The following AFAP1 variants were observed in gnomAD, a reference collection of about 807,000 sequenced individuals.
The protein encoded by AFAP1 is actin filament associated protein 1.
A neutral mutation model predicts 93.9 loss-of-function variants in AFAP1; 75 were observed. The ratio of observed to expected loss-of-function variants is 0.80; its 90% CI spans 0.66 to 0.97. The LOEUF (loss-of-function observed/expected upper bound fraction) is 0.97, where lower values mean the gene tolerates loss of function less well. Among genes scored for constraint, AFAP1 ranks in the 50% least tolerant of loss-of-function variants. The probability of loss-of-function intolerance (pLI) is 0.00; values close to 1 mark genes in which losing one functional copy is unlikely to be tolerated. For missense variants in AFAP1, 1,201 were observed against 1,050.8 expected, an observed-to-expected ratio of 1.14 and a Z score of -1.98; for synonymous variants, 517 against 430.7, an observed-to-expected ratio of 1.20 and a Z score of -2.48.
intron 1 of AFAP1, among the ~76,000 whole-genome samples, chr4:7,896,456 T>C (rs916238563): frequency 3.3e-5 from 5 of 152,002 alleles, no homozygotes; most frequent in Admixed American, 2.6e-4. Flanking sequence ...CCCAACCCCA[T>C]GGTCTGTAAA....
In AFAP1 at chr4:7,859,675, G is replaced by A. The variant is rs181015726; in HGVS notation, c.226-4101C>T. 1.0e-3 allele frequency among the ~76,000 whole-genome samples: 158 copies of A among 152,132 alleles called. 1 individual carries two copies. The highest frequency in any genetic ancestry group is 3.5e-3 in the African/African-American group (146 of 41,488). On this transcript the variant is annotated intron_variant, in intron 3 of 17. Coordinates refer to ENST00000420658, the MANE Select transcript of AFAP1 (RefSeq NM_001134647.2). ...AAGATCTTATCTACCTTCAGGAATC[G>A]TACATTTCTGCTGTAAGGTCTCCAT...
intron 1 of AFAP1, among the ~76,000 whole-genome samples, chr4:7,881,389 G>A (rs1560217812): frequency 6.6e-6 from 1 of 152,016 alleles, no homozygotes; most frequent in South Asian, 2.1e-4. Flanking sequence ...CAATGCCAAT[G>A]AGCACAGCTC....
chr4:7,931,580 G>A (rs960304739), intron 1 of AFAP1, among the ~76,000 whole-genome samples: 10 of 149,444 alleles, frequency 6.7e-5, no homozygotes, highest in Non-Finnish European at 4.4e-5. Flanking sequence ...TGGAGGTCTC[G>A]CTATGTTGCC....
chr4:7,895,385 T>C (rs947600142), intron 1 of AFAP1, among the ~76,000 whole-genome samples: 1 of 151,064 alleles, frequency 6.6e-6, no homozygotes, highest in Admixed American at 6.6e-5. Flanking sequence ...ATAATTATTA[T>C]CTGTTAAAGA....
rs750818314 is a variant in AFAP1, at chr4:7,855,537, G to A, written c.263C>T (p.Ser88Phe). ...DSGPPPLPTS[S>F]LPEGYYEEAV... is the part of the protein sequence containing the mutation. ...TTCCTCATAATAACCTTCTGGGAGG[G>A]AGGATGTTGGCAATGGTGGAGGCCC... The change falls in exon 4 of 18, where the codon TCC (serine) becomes TTC (phenylalanine). Residue 88 changes from serine to phenylalanine, a missense_variant. Ser to Phe is a radical substitution (Grantham distance 155, BLOSUM62 -2). Coordinates refer to ENST00000420658, the MANE Select transcript of AFAP1 (RefSeq NM_001134647.2). 1.9e-6 allele frequency: 3 copies of A among 1,613,970 alleles called. No homozygotes were observed. The highest frequency in any genetic ancestry group is 1.3e-5 in the African/African-American group (1 of 74,936).
intron 16 of AFAP1, among the ~76,000 whole-genome samples, chr4:7,771,907 G>A (rs569500489): frequency 1.3e-3 from 197 of 152,242 alleles, no homozygotes; most frequent in African/African-American, 4.6e-3. Flanking sequence ...GAGTAAGGAA[G>A]AACAGGCTGT....
At chr4:7,770,872 G>T (rs1557816) in intron 16 of AFAP1, among the ~76,000 whole-genome samples, 69,365 of 152,004 alleles carry the variant, frequency 0.46, 16,897 homozygotes, top group East Asian at 0.78. Context: ...AGATCACAGA[G>T]GGAGGGGCAC....
intron 6 of AFAP1, among the ~76,000 whole-genome samples, chr4:7,824,424 T>TACACACACACACAC (rs10660353): frequency 6.6e-6 from 1 of 150,494 alleles, no homozygotes; most frequent in South Asian, 2.1e-4. Flanking sequence ...AGCATTTGTG[T>TACACACACACACAC]ACACACACAC....
In AFAP1 at chr4:7,939,693, G is replaced by C; in HGVS notation, c.-40C>G. 7.2e-6 allele frequency: 3 copies of C among 415,706 alleles called. No individual in the cohort carries two copies. Among genetic ancestry groups the C allele is most frequent in the Non-Finnish European group, 4.8e-6 (1 of 210,018 alleles). 25.8% of individuals were successfully genotyped at this position (415,706 alleles called of 1,614,324 possible). ...CCTCGCAGCGCTCGCTCCTCGCCGC[G>C]GCGCCTGGGCCGACTGGAGCGCAGC... On this transcript the variant is annotated 5_prime_UTR_variant, in exon 1 of 18. Coordinates refer to ENST00000420658, the MANE Select transcript of AFAP1 (RefSeq NM_001134647.2). The surrounding 1 kb of genome is among the most constrained non-coding windows in gnomAD (Gnocchi z 5.6).
At chr4:7,861,052 T>C (rs923510784) in intron 3 of AFAP1, among the ~76,000 whole-genome samples, 4 of 152,230 alleles carry the variant, frequency 2.6e-5, no homozygotes, top group African/African-American at 9.6e-5. Context: ...CGAGAGCTGA[T>C]CTTAGCTGAG....
Position 7,763,788 on chromosome 4 carries a change from A to T in AFAP1, c.2422T>A (p.Trp808Arg). The T allele has an allele frequency of 6.4e-7, 1 of 1,551,610 alleles. No individual in the cohort carries two copies. Among genetic ancestry groups the T allele is most frequent in the South Asian group, 1.2e-5 (1 of 84,048 alleles). ...RGHVLRKAKE[W>R]ELKNGT ...CCCTAGGTCCCGTTCTTCAATTCCC[A>T]TTCCTAGAGGAAAGGAGAGTCTTGT... is the stretch of plus-strand genomic sequence containing the variant. The change falls in exon 18 of 18, where the codon TGG becomes AGG. Residue 808 changes from tryptophan (W) to arginine (R), a missense_variant. Coordinates refer to ENST00000420658, the MANE Select transcript of AFAP1 (RefSeq NM_001134647.2).
At chr4:7,935,988 T>G (rs1721357428) in intron 1 of AFAP1, among the ~76,000 whole-genome samples, 1 of 152,184 alleles carries the variant, frequency 6.6e-6, no homozygotes, top group Non-Finnish European at 1.5e-5. Context: ...AAAGAAAATC[T>G]GGTCGCGTTT....
chr4:7,833,630 C>A (rs1711903291), intron 6 of AFAP1, among the ~76,000 whole-genome samples: 1 of 148,380 alleles, frequency 6.7e-6, no homozygotes, highest in Non-Finnish European at 1.5e-5. Context: ...GCCCTGTCAC[C>A]CAGGCTGGAG....
intron 3 of AFAP1, chr4:7,862,017 T>A (rs995428107): frequency 6.6e-6 from 1 of 152,166 alleles, no homozygotes; most frequent in Admixed American, 6.5e-5. Flanking sequence ...GATGGGAAGA[T>A]GGTAACGCCT....
intron 10 of AFAP1, among the ~76,000 whole-genome samples, chr4:7,799,767 A>G (rs1381452760): frequency 6.6e-6 from 1 of 152,182 alleles, no homozygotes; most frequent in African/African-American, 2.4e-5. Context: ...TATGATGAAA[A>G]ATTAAAAACT....
At chr4:7,918,093 T>A (rs182197014) in intron 1 of AFAP1, among the ~76,000 whole-genome samples, 73 of 152,320 alleles carry the variant, frequency 4.8e-4, no homozygotes, top group African/African-American at 1.5e-3. Flanking sequence ...TTTTGCTTGC[T>A]GTGAAAAGAT....
intron 8 of AFAP1, among the ~76,000 whole-genome samples, chr4:7,812,783 G>C (rs964205786): frequency 2.0e-5 from 3 of 152,202 alleles, no homozygotes; most frequent in African/African-American, 7.2e-5. Context: ...CGGGAATTCA[G>C]GTGCTTTTTA....
intron 15 of AFAP1, 77 bp from the exon 16 acceptor site, chr4:7,773,087 A>G (rs2148962935): frequency 6.7e-7 from 1 of 1,503,374 alleles, no homozygotes; most frequent in Non-Finnish European, 8.8e-7. Context: ...CCTGGTCCCC[A>G]AGAAGAACTT....
Position 7,891,792 on chromosome 4 carries a change from T to C in AFAP1, c.-2-19712A>G, listed in dbSNP as rs1056231752. 2.4e-5 allele frequency among the ~76,000 whole-genome samples: 3 copies of C among 124,120 alleles called. No homozygotes were observed. In the East Asian group the frequency reaches 7.8e-4, roughly 32 times the overall value. 81.4% of individuals were successfully genotyped at this position (124,120 alleles called of 152,430 possible). On this transcript the variant is annotated intron_variant, in intron 1 of 17. Transcript: ENST00000420658. The stretch of plus-strand genomic sequence containing the variant: ...GGCCGGGCGTGGTGGCTTACACCTA[T>C]AATCCCAGCACTTTGGGATGCCAAG...
Sources: allele counts gnomAD v4.1 joint callset (sites outside exome capture counted in the v4.1 genomes callset), GRCh38; gene constraint gnomAD v4.1.1; non-coding constraint Gnocchi (gnomAD v3.1); transcripts MANE v1.5; gene names NCBI Gene and HGNC (gene_info 2026-07-23, HGNC 2026-07-21).